The following CNTLN variants were observed in gnomAD, a reference collection of about 807,000 sequenced individuals.
CNTLN encodes the protein centlein, also known as centlein, centrosomal protein.
A neutral mutation model predicts 180.0 loss-of-function variants in CNTLN; 212 were observed. The ratio of observed to expected loss-of-function variants is 1.18; its 90% confidence interval spans 1.05 to 1.32. The LOEUF (loss-of-function observed/expected upper bound fraction) is 1.32, where lower values mean the gene tolerates loss of function less well. Among genes scored for constraint, CNTLN ranks in the 40% most tolerant of loss-of-function variants. CNTLN has a pLI of 0.00. For missense variants in CNTLN, 2,095 were observed against 1,610.9 expected (o/e 1.30, Z -5.14); for synonymous variants, 722 against 563.1 (o/e 1.28, Z -3.99).
chr9:17,290,567 C>G (rs894141242), intron 6 of CNTLN, among the ~76,000 whole-genome samples: 3 of 139,536 alleles, frequency 2.1e-5, no homozygotes, highest in African/African-American at 7.8e-5. Flanking sequence ...GCTTTGTTTA[C>G]CTAAGGAAGC....
intron 13 of CNTLN, among the ~76,000 whole-genome samples, chr9:17,369,117 C>T (rs991481278): frequency 6.6e-6 from 1 of 152,100 alleles, no homozygotes; most frequent in African/African-American, 2.4e-5. Flanking sequence ...GTAATTGAAT[C>T]ATGGGGGTGG....
intron 8 of CNTLN, among the ~76,000 whole-genome samples, chr9:17,314,343 T>G: frequency 6.6e-6 from 1 of 152,208 alleles, no homozygotes; most frequent in East Asian, 1.9e-4. Flanking sequence ...AAAATATATG[T>G]TATAGAGACT....
At chr9:17,200,628 C>G (rs1822456850) in intron 2 of CNTLN, among the ~76,000 whole-genome samples, 1 of 152,024 alleles carries the variant, frequency 6.6e-6, no homozygotes, top group African/African-American at 2.4e-5. Flanking sequence ...CATGATTTGG[C>G]TCTCTGCTTG....
intron 5 of CNTLN, among the ~76,000 whole-genome samples, chr9:17,240,693 C>T (rs1323161189): frequency 6.6e-6 from 1 of 151,676 alleles, no homozygotes; most frequent in Middle Eastern, 3.2e-3. Context: ...ACATATTGTC[C>T]CATTCTGTTC....
intron 2 of CNTLN, among the ~76,000 whole-genome samples, chr9:17,152,706 G>T (rs1818975944): frequency 6.6e-6 from 1 of 152,148 alleles, no homozygotes; most frequent in Admixed American, 6.5e-5. Context: ...TTCAACTCCT[G>T]AATATCCTTG....
chr9:17,186,440 G>A (rs1201182287), intron 2 of CNTLN, among the ~76,000 whole-genome samples: 1 of 152,140 alleles, frequency 6.6e-6, no homozygotes, highest in African/African-American at 2.4e-5. Context: ...TCTCAATTGA[G>A]GACATTTGTT....
At chr9:17,359,865 A>G (rs1174648956) in intron 12 of CNTLN, among the ~76,000 whole-genome samples, 1 of 151,324 alleles carries the variant, frequency 6.6e-6, no homozygotes, top group South Asian at 2.1e-4. Context: ...TTGCCACTGC[A>G]CTCCAGCCTG....
intron 2 of CNTLN, among the ~76,000 whole-genome samples, chr9:17,188,320 C>G (rs1821564429): frequency 1.3e-5 from 2 of 152,042 alleles, no homozygotes; most frequent in Non-Finnish European, 2.9e-5. Context: ...CCAGTTCTAC[C>G]ATGAGGGTAT....
chr9:17,510,060 C>T, the CNTLN span, among the ~76,000 whole-genome samples: 2 of 152,042 alleles, frequency 1.3e-5, no homozygotes, highest in Admixed American at 6.5e-5. Context: ...TGATCCTTTA[C>T]GGTATCTCTT....
chr9:17,269,129 C>T (rs1405258114), intron 5 of CNTLN, among the ~76,000 whole-genome samples: 2 of 152,030 alleles, frequency 1.3e-5, no homozygotes, highest in Admixed American at 1.3e-4. Context: ...TTCTGCATCG[C>T]TCATGCTGGG....
chr9:17,275,611 C>G (rs1384454630), intron 6 of CNTLN, among the ~76,000 whole-genome samples: 1 of 152,052 alleles, frequency 6.6e-6, no homozygotes, highest in African/African-American at 2.4e-5. Flanking sequence ...GCTATTAGAA[C>G]AAACATGGTG....
rs542650622 is a variant in CNTLN, at chr9:17,153,872, A to G, written c.449+10496A>G. Among the ~76,000 whole-genome samples, 400 of 151,912 alleles carry G rather than the reference A, an allele frequency of 2.6e-3. 5 individuals are homozygous for G. Among genetic ancestry groups the G allele is most frequent in the African/African-American group, 9.2e-3 (381 of 41,428 alleles). On this transcript the variant is annotated intron_variant, in intron 2 of 25. Coordinates refer to ENST00000380647, the MANE Select transcript of CNTLN (RefSeq NM_017738.4). ...TTTTCCTTTTTATTCTTTTTTCTCT[A>G]ATCTTGTCTTCTCTGTTTATTTCAT...
rs1298110042 is a variant in CNTLN at position 17,486,995 on chromosome 9, G to A, written c.4048G>A (p.Glu1350Lys). 2.5e-6 allele frequency: 4 copies of A among 1,574,020 alleles called. No individual in the cohort carries two copies. In the African/African-American group the frequency reaches 4.2e-5, roughly 16 times the overall value. ...TTTTATTTTTTTTCTTCAGGAAATTGAAAAAACAAAAATTGATGCTGAAAA... is the reference window on the plus strand; with the variant it reads ...TTTTATTTTTTTTCTTCAGGAAATTAAAAAAACAAAAATTGATGCTGAAAA... ...ILDTEDQVEI[E>K]KTKIDAENDK... Residue 1350 changes from glutamate to lysine, a missense_variant, in exon 25 of 26, where the codon GAA (glutamate) becomes AAA (lysine). By Grantham distance (56) the Glu-to-Lys change is moderately conservative. Coordinates refer to ENST00000380647, the MANE Select transcript of CNTLN (RefSeq NM_017738.4).
intron 2 of CNTLN, among the ~76,000 whole-genome samples, chr9:17,148,890 T>C (rs1042470915): frequency 1.3e-5 from 2 of 152,218 alleles, no homozygotes; most frequent in African/African-American, 4.8e-5. Context: ...TATGTAGGTA[T>C]ACATGTGCCC....
chr9:17,208,682 A>T (rs1823086393), intron 2 of CNTLN, among the ~76,000 whole-genome samples: 1 of 152,012 alleles, frequency 6.6e-6, no homozygotes, highest in African/African-American at 2.4e-5. Context: ...TTTCTTCATG[A>T]TTCAATTTTG....
chr9:17,415,243 G>A (rs1441872108), intron 16 of CNTLN, among the ~76,000 whole-genome samples: 1 of 152,066 alleles, frequency 6.6e-6, no homozygotes, highest in Non-Finnish European at 1.5e-5. Flanking sequence ...GCTTCAGGAA[G>A]TTATTTTATT....
chr9:17,274,577 C>CA (rs1456202129), intron 6 of CNTLN, among the ~76,000 whole-genome samples: 1 of 151,836 alleles, frequency 6.6e-6, no homozygotes, highest in Non-Finnish European at 1.5e-5. Context: ...ATTTTGCATG[C>CA]ATGTGTTTAT....
Position 17,342,325 on chromosome 9 carries a change from G to A in CNTLN, c.1767G>A (p.Met589Ile). The A allele has an allele frequency of 1.2e-6, 2 of 1,611,252 alleles. No homozygotes were observed. The highest frequency in any genetic ancestry group is 1.7e-6 in the Non-Finnish European group (2 of 1,178,948). ...AAAAGCAACTTTGTTTTAAAAATAG[G>A]ACTGAAATCAGGAAAATAAAGAGAG... is the stretch of plus-strand genomic sequence containing the variant. Reference protein sequence around the residue: ...QLKQWEEGSGMTEIRKIKRAD... With the variant: ...QLKQWEEGSGITEIRKIKRAD... The change falls in exon 12 of 26, where the codon ATG becomes ATA. Residue 589 changes from methionine (M) to isoleucine (I), a missense_variant and splice_region_variant. Transcript: ENST00000380647.
chr9:17,376,220 G>T (rs111348635), intron 13 of CNTLN, among the ~76,000 whole-genome samples: 2,058 of 152,162 alleles, frequency 0.014, 24 homozygotes, highest in African/African-American at 0.03. Flanking sequence ...CAGTGGAACA[G>T]TTTTTCATTT....
Sources: allele counts gnomAD v4.1 joint callset (sites outside exome capture counted in the v4.1 genomes callset), GRCh38; gene constraint gnomAD v4.1.1; transcripts MANE v1.5; gene names NCBI Gene and HGNC (gene_info 2026-07-23, HGNC 2026-07-21).